TGFBR2: variants seen among roughly 807,000 people sequenced by gnomAD.
TGFBR2 encodes TGF-beta receptor type-2.
In TGFBR2, 18 loss-of-function variants were observed where a neutral mutation model predicts 49.0. The ratio of observed to expected loss-of-function variants is 0.37; its 90% CI spans 0.25 to 0.54. TGFBR2 has a LOEUF of 0.54. Among genes scored for constraint, TGFBR2 ranks in the 20% least tolerant of loss-of-function variants. The probability of loss-of-function intolerance (pLI) is 0.85; values close to 1 mark genes in which losing one functional copy is unlikely to be tolerated. For missense variants in TGFBR2, 525 were observed against 722.6 expected, an observed-to-expected ratio of 0.73 and a Z score of 3.13; for synonymous variants, 282 against 275.9, an observed-to-expected ratio of 1.02 and a Z score of -0.22.
At chr3:30,645,819 C>CCTCTCT (rs4016205) in intron 2 of TGFBR2, among the ~76,000 whole-genome samples, 41,839 of 147,690 alleles carry the variant, frequency 0.28, 6,118 homozygotes, top group East Asian at 0.66. Flanking sequence ...CACATTTTCT[C>CCTCTCT]CTCTCTCTCT....
At chr3:30,657,411 G>A (rs17026082) in intron 3 of TGFBR2, among the ~76,000 whole-genome samples, 2,038 of 152,240 alleles carry the variant, frequency 0.013, 45 homozygotes, top group African/African-American at 0.045. Flanking sequence ...CTCATCTGTT[G>A]GGAAGACAAC....
At chr3:30,670,158 T>G (rs936706385) in intron 3 of TGFBR2, among the ~76,000 whole-genome samples, 1 of 152,218 alleles carries the variant, frequency 6.6e-6, no homozygotes, top group African/African-American at 2.4e-5. Context: ...TCATATATTC[T>G]TTCTCCTTAA....
At chr3:30,690,345 A>G (rs1699689569) in intron 6 of TGFBR2, among the ~76,000 whole-genome samples, 1 of 152,250 alleles carries the variant, frequency 6.6e-6, no homozygotes, top group Non-Finnish European at 1.5e-5. Context: ...AACTCTTGCC[A>G]CCTTCCTGGG....
chr3:30,629,030 C>G (rs1698389108), intron 1 of TGFBR2, among the ~76,000 whole-genome samples: 1 of 152,214 alleles, frequency 6.6e-6, no homozygotes, highest in Non-Finnish European at 1.5e-5. Flanking sequence ...TTTTCAAGCT[C>G]TGCCCTGCTT....
At chr3:30,607,590 T>A (rs913709162) in intron 1 of TGFBR2, among the ~76,000 whole-genome samples, 1 of 151,974 alleles carries the variant, frequency 6.6e-6, no homozygotes, top group Non-Finnish European at 1.5e-5. Flanking sequence ...GGAGTGGAGA[T>A]GCTCAGGTGA....
intron 1 of TGFBR2, among the ~76,000 whole-genome samples, chr3:30,607,848 T>TA (rs553536805): frequency 0.014 from 1,708 of 118,028 alleles, 26 homozygotes; most frequent in South Asian, 0.058. Flanking sequence ...ATTATATATA[T>TA]AAATATATAT....
Position 30,644,790 on chromosome 3 carries a change from G to A in TGFBR2, c.138G>A (p.Lys46=). The A allele has an allele frequency of 1.2e-6, 2 of 1,614,138 alleles. No homozygotes were observed. The highest frequency in any genetic ancestry group is 2.2e-5 in the South Asian group (2 of 91,086). ...TCACTGACAACAACGGTGCAGTCAAGTTTCCACAACTGTGTAAATTTTGTG... is the reference window on the plus strand; with the variant it reads ...TCACTGACAACAACGGTGCAGTCAAATTTCCACAACTGTGTAAATTTTGTG... ...MIVTDNNGAV[K]FPQLCKFCDV... The change falls in exon 2 of 7, where the codon AAG becomes AAA. Residue 46 remains lysine, a synonymous_variant. Transcript: ENST00000295754.
At chr3:30,607,310 G>T (rs772114778) in intron 1 of TGFBR2, among the ~76,000 whole-genome samples, 4 of 152,364 alleles carry the variant, frequency 2.6e-5, no homozygotes, top group Admixed American at 6.5e-5. Context: ...AGGCGGCCGG[G>T]GAGCAGCGGC....
intron 1 of TGFBR2, among the ~76,000 whole-genome samples, chr3:30,619,631 ATCC>A (rs1698192116): frequency 6.6e-6 from 1 of 152,006 alleles, no homozygotes; most frequent in Admixed American, 6.6e-5. Context: ...TGCCTCACAC[ATCC>A]TTTTTGCTTA....
At chr3:30,624,131 A>C (rs1189670650) in intron 1 of TGFBR2, among the ~76,000 whole-genome samples, 1 of 151,754 alleles carries the variant, frequency 6.6e-6, no homozygotes, top group African/African-American at 2.4e-5. Flanking sequence ...CAACAGACCA[A>C]GATTCCATCT....
chr3:30,674,612 C>T lies in TGFBR2; in HGVS notation c.1396+366C>T, dbSNP rs77994960. Among the ~76,000 whole-genome samples, 427 of 151,874 alleles carry T rather than the reference C, an allele frequency of 2.8e-3. 3 individuals are homozygous for T. The highest frequency in any genetic ancestry group is 0.01 in the African/African-American group (414 of 41,350). Reference sequence around the variant, plus strand: ...TCAGATAAGCATCTGATTTCTTTTACTTTGTGTTTTAAGATTTTTCAGAAT... The same window carrying T: ...TCAGATAAGCATCTGATTTCTTTTATTTTGTGTTTTAAGATTTTTCAGAAT... On this transcript the variant is annotated intron_variant, in intron 5 of 6. Coordinates refer to ENST00000295754, the MANE Select transcript of TGFBR2 (RefSeq NM_003242.6).
rs568719012 is a variant in TGFBR2 at position 30,630,576 on chromosome 3, T to C, written c.95-14171T>C. Among the ~76,000 whole-genome samples, 3 of 152,344 alleles carry C rather than the reference T, an allele frequency of 2.0e-5. No individual in the cohort carries two copies. In the South Asian group the frequency reaches 6.2e-4, roughly 32 times the overall value. Reference sequence around the variant, plus strand: ...TCTATCTTGACTTTTCCACAGCCCATTGACAACTGTCATTATGTAAATACT... The same window carrying C: ...TCTATCTTGACTTTTCCACAGCCCACTGACAACTGTCATTATGTAAATACT... On this transcript the variant is annotated intron_variant, in intron 1 of 6. Transcript: ENST00000295754.
In TGFBR2 at chr3:30,637,865, C is replaced by T. The variant is rs528436592; in HGVS notation, c.95-6882C>T. ...TCATAAATTTTTAGAAGCGAAAGTGCGAGGCAAAAGGCTATTTGCGTTTGC... is the reference window on the plus strand; with the variant it reads ...TCATAAATTTTTAGAAGCGAAAGTGTGAGGCAAAAGGCTATTTGCGTTTGC... On this transcript the variant is annotated intron_variant, in intron 1 of 6. Coordinates refer to ENST00000295754, the MANE Select transcript of TGFBR2 (RefSeq NM_003242.6). Among the ~76,000 whole-genome samples, 25 of 152,214 alleles carry T rather than the reference C, an allele frequency of 1.6e-4. No individual in the cohort carries two copies. In the South Asian group the frequency reaches 3.5e-3, roughly 21 times the overall value.
intron 3 of TGFBR2, among the ~76,000 whole-genome samples, chr3:30,665,465 G>A (rs1178977512): frequency 3.9e-5 from 6 of 152,128 alleles, no homozygotes; most frequent in South Asian, 2.1e-4. Flanking sequence ...TAAATTGTCC[G>A]GTGCCTAACC....
At chr3:30,630,306 G>C (rs1657028357) in intron 1 of TGFBR2, among the ~76,000 whole-genome samples, 1 of 152,224 alleles carries the variant, frequency 6.6e-6, no homozygotes, top group Non-Finnish European at 1.5e-5. Context: ...CTTCCATAAA[G>C]AGTTGTCTTA....
At chr3:30,664,180 C>G (rs1288996789) in intron 3 of TGFBR2, among the ~76,000 whole-genome samples, 15 of 150,530 alleles carry the variant, frequency 1.0e-4, no homozygotes. Context: ...GACAGGGTCT[C>G]AATATATTGC....
rs143740061 is a variant in TGFBR2, at chr3:30,617,697, C to T, written c.94+10720C>T. 1.8e-4 allele frequency among the ~76,000 whole-genome samples: 28 copies of T among 152,146 alleles called. No individual in the cohort carries two copies. The East Asian group carries it at 2.1e-3, about 12-fold the overall frequency. ...AGCTTGAGCTCCAGCATTCTGACCC[C>T]GAAAATGATGGTTTCCTATCATCTT... is the stretch of plus-strand genomic sequence containing the variant. On this transcript the variant is annotated intron_variant, in intron 1 of 6. Coordinates refer to ENST00000295754, the MANE Select transcript of TGFBR2 (RefSeq NM_003242.6).
At position 30,613,710 on chromosome 3, in the gene TGFBR2, A is replaced by G. The variant is rs1698076039; in HGVS notation, c.94+6733A>G. ...ACCCATTTCTGTGGAAGGACTATGAACATTGTAGGAGTTCTAAAGTTGTAC... is the reference window on the plus strand; with the variant it reads ...ACCCATTTCTGTGGAAGGACTATGAGCATTGTAGGAGTTCTAAAGTTGTAC... On this transcript the variant is annotated intron_variant, in intron 1 of 6. Transcript: ENST00000295754. Among the ~76,000 whole-genome samples, 3 of 152,180 alleles carry G rather than the reference A, an allele frequency of 2.0e-5. 1 individual carries two copies. In the South Asian group the frequency reaches 6.2e-4, roughly 31 times the overall value.
intron 3 of TGFBR2, chr3:30,661,706 A>C: frequency 2.4e-6 from 1 of 411,850 alleles, no homozygotes; most frequent in Admixed American, 3.0e-5. Flanking sequence ...CAGAAAGAAC[A>C]AACCATCAGG....
Sources: gnomAD v4.1 joint callset for allele counts (sites outside exome capture counted in the v4.1 genomes callset) on GRCh38, gnomAD v4.1.1 for gene constraint, MANE v1.5 for transcripts, NCBI Gene and HGNC (gene_info 2026-07-23, HGNC 2026-07-21) for gene names.